Variants in NAP1L4 observed in about 807,000 individuals in gnomAD.
NAP1L4 encodes nucleosome assembly protein 1-like 4.
A neutral mutation model predicts 58.2 loss-of-function variants in NAP1L4; 15 were observed. The observed-to-expected ratio is 0.26, with a 90% CI of 0.17 to 0.40. The LOEUF (loss-of-function observed/expected upper bound fraction) is 0.40, where lower values mean the gene tolerates loss of function less well. Ranked by LOEUF, NAP1L4 falls within the 10% of genes least tolerant of loss-of-function variation. The pLI is 1.00. For synonymous variants in NAP1L4, 171 were observed against 155.6 expected, an observed-to-expected ratio of 1.10 and a Z score of -0.74; for missense variants, 384 against 451.1, an observed-to-expected ratio of 0.85 and a Z score of 1.35.
chr11:2,944,661 G>A lies in NAP1L4; in HGVS notation c.*1018C>T, dbSNP rs941906789. ...CAAACCCAGGACCTTCAGACAGGAT[G>A]AATGGTGGGGCCCCGCAATGGGGCT... On this transcript the variant is annotated 3_prime_UTR_variant, in exon 16 of 16. Coordinates refer to ENST00000380542, the MANE Select transcript of NAP1L4 (RefSeq NM_005969.4). The A allele has an allele frequency of 1.4e-4, 22 of 152,380 alleles. No homozygotes were observed. Among genetic ancestry groups the A allele is most frequent in the Admixed American group, 1.1e-3 (17 of 15,310 alleles). 9.4% of individuals were successfully genotyped at this position (152,380 alleles called of 1,614,324 possible).
chr11:2,990,010 G>T (rs1394533597), intron 1 of NAP1L4: 2 of 152,154 alleles, frequency 1.3e-5, no homozygotes, highest in Non-Finnish European at 2.9e-5. Context: ...ACTTAAAAAT[G>T]ATTAAAATTT....
At position 2,971,532 on chromosome 11, in the gene NAP1L4, T is replaced by C; in HGVS notation, c.318A>G (p.Arg106=). 3 of 1,613,066 alleles carry C rather than the reference T, an allele frequency of 1.9e-6. No individual in the cohort carries two copies. The highest frequency in any genetic ancestry group is 2.5e-6 in the Non-Finnish European group (3 of 1,179,734). The change falls in exon 6 of 16, where the codon AGA becomes AGG. Residue 106 remains arginine, a splice_region_variant and synonymous_variant. Coordinates refer to ENST00000380542, the MANE Select transcript of NAP1L4 (RefSeq NM_005969.4). This position sits in a 1 kb window ranked among gnomAD's most constrained non-coding sequence, Gnocchi z 4.2. Reference sequence around the variant, plus strand: ...CAACATCGCCGGTGATAAATTCTCTTCTCTACATAAAAATGAGACCTTATT... The same window carrying C: ...CAACATCGCCGGTGATAAATTCTCTCCTCTACATAAAAATGAGACCTTATT... ...AALYQPLFDK[R]REFITGDVEP...
chr11:2,960,242 G>A (rs189097712), intron 8 of NAP1L4: 14 of 258,674 alleles, frequency 5.4e-5, no homozygotes, highest in Middle Eastern at 2.9e-3. Context: ...AGGTGACTAG[G>A]GGAAAGTAAG....
In NAP1L4 at chr11:2,948,923, G is replaced by A. The variant is rs1428736100; in HGVS notation, c.*32+304C>T. ...CTTATGGTGGCCCGTGTGTGCCACC[G>A]TGCAGACTGCTGACCATCCAGGGCC... On this transcript the variant is annotated intron_variant, in intron 15 of 15. Transcript: ENST00000380542. This position sits in a 1 kb window ranked among gnomAD's most constrained non-coding sequence, Gnocchi z 5.1. Among the ~76,000 whole-genome samples, 7 of 152,198 alleles carry A rather than the reference G, an allele frequency of 4.6e-5. No homozygotes were observed. Among genetic ancestry groups the A allele is most frequent in the African/African-American group, 7.2e-5 (3 of 41,450 alleles).
At chr11:2,978,923 CTG>C (rs1200504067) in intron 2 of NAP1L4, among the ~76,000 whole-genome samples, 1 of 152,206 alleles carries the variant, frequency 6.6e-6, no homozygotes, top group African/African-American at 2.4e-5. Context: ...CAACTACAGA[CTG>C]TTAGGAGAGT....
At chr11:2,952,835 C>G (rs975773248) in intron 12 of NAP1L4, 2 of 152,282 alleles carry the variant, frequency 1.3e-5, no homozygotes, top group African/African-American at 4.8e-5. Flanking sequence ...ATGCATCACC[C>G]ACCTGGGCAG....
intron 15 of NAP1L4, among the ~76,000 whole-genome samples, chr11:2,947,428 G>A (rs1474881653): frequency 6.6e-6 from 1 of 152,200 alleles, no homozygotes; most frequent in Non-Finnish European, 1.5e-5. Flanking sequence ...ACCTGACTCT[G>A]GGAAGAGCTG....
At chr11:2,974,222 C>T (rs1847820503) in intron 4 of NAP1L4, among the ~76,000 whole-genome samples, 1 of 152,092 alleles carries the variant, frequency 6.6e-6, no homozygotes, top group South Asian at 2.1e-4. Context: ...TGTTGGTGTG[C>T]TGCACCCATT....
Position 2,976,046 on chromosome 11 carries a change from T to C in NAP1L4, c.151A>G (p.Thr51Ala), listed in dbSNP as rs1214066320. ...TACGTTTCGATGTAGCTGGAAGGGG[T>C]GTGAGGGACATTGTCAAGTCGCTCC... ...LQERLDNVPHTPSSYIETLPK... is the reference protein window; with the variant it reads ...LQERLDNVPHAPSSYIETLPK... Residue 51 changes from threonine (T) to alanine (A), a missense_variant, in exon 4 of 16, where the codon ACC (threonine) becomes GCC (alanine). By Grantham distance (58) the Thr-to-Ala change is moderately conservative. This residue lies in a region of NAP1L4 where 84 missense variants were observed against 73.7 expected (regional missense o/e 1.14). Coordinates refer to ENST00000380542, the MANE Select transcript of NAP1L4 (RefSeq NM_005969.4). 3 of 1,613,700 alleles carry C rather than the reference T, an allele frequency of 1.9e-6. No homozygotes were observed. The African/African-American group carries it at 4.0e-5, about 22-fold the overall frequency.
intron 7 of NAP1L4, 29 bp downstream of exon 7, chr11:2,969,774 A>G: frequency 6.3e-7 from 1 of 1,586,378 alleles, no homozygotes; most frequent in East Asian, 2.3e-5. Flanking sequence ...CTAGCACATA[A>G]TCTCTCTACA....
In NAP1L4 at chr11:2,954,897, C is replaced by CA. The variant is rs1236191566; in HGVS notation, c.916-252dup. ...GGGCCCTACAGCTCCACAACTTGTC[C>CA]AAAGGTCTCACCCAGAGTAGGCGGT... On this transcript the variant is annotated intron_variant, in intron 11 of 15. Transcript: ENST00000380542. The surrounding 1 kb of genome is among the most constrained non-coding windows in gnomAD (Gnocchi z 4.8). Among the ~76,000 whole-genome samples, 3 of 152,170 alleles carry CA rather than the reference C, an allele frequency of 2.0e-5. No homozygotes were observed. The highest frequency in any genetic ancestry group is 7.2e-5 in the African/African-American group (3 of 41,418).
intron 7 of NAP1L4, among the ~76,000 whole-genome samples, chr11:2,969,258 T>C (rs979312553): frequency 2.6e-5 from 4 of 152,122 alleles, no homozygotes; most frequent in South Asian, 2.1e-4. Context: ...ACTACAGACA[T>C]GAGCCACCAT....
intron 15 of NAP1L4, among the ~76,000 whole-genome samples, chr11:2,947,540 G>T (rs529554817): frequency 6.6e-6 from 1 of 152,134 alleles, no homozygotes; most frequent in South Asian, 2.1e-4. Context: ...TGGAGCTTCT[G>T]CAAGTGACTG....
chr11:2,969,177 G>C (rs572120637), intron 7 of NAP1L4, among the ~76,000 whole-genome samples: 5 of 151,984 alleles, frequency 3.3e-5, no homozygotes, highest in Admixed American at 2.6e-4. Context: ...TTTTTGTAGA[G>C]ATGGGATTTC....
rs1240105073 is a variant in NAP1L4, at chr11:2,955,568, TCTCAAACTCCTGGA to T, written c.915+162_915+175del. Among the ~76,000 whole-genome samples, 7 of 152,034 alleles carry T rather than the reference TCTCAAACTCCTGGA, an allele frequency of 4.6e-5. No homozygotes were observed. The highest frequency in any genetic ancestry group is 1.3e-4 in the Admixed American group (2 of 15,266). ...GGTTGTGCTATGTTGCCCAGGCTGG[TCTCAAACTCCTGGA>T]CTCGTGCAGTCCTCCCACCTCAGCC... is the stretch of plus-strand genomic sequence containing the variant. On this transcript the variant is annotated intron_variant, in intron 11 of 15. Transcript: ENST00000380542. The surrounding 1 kb of genome is among the most constrained non-coding windows in gnomAD (Gnocchi z 4.2).
chr11:2,966,319 A>G (rs1044894616), intron 7 of NAP1L4, among the ~76,000 whole-genome samples: 3 of 152,200 alleles, frequency 2.0e-5, no homozygotes, highest in African/African-American at 7.2e-5. Context: ...GCTTTCTGAA[A>G]ACACGCACTA....
intron 15 of NAP1L4, among the ~76,000 whole-genome samples, chr11:2,947,843 A>G (rs1224692401): frequency 6.6e-6 from 1 of 152,224 alleles, no homozygotes; most frequent in Non-Finnish European, 1.5e-5. Flanking sequence ...GGCAACAAAG[A>G]CATGCCGCTG....
Position 2,954,513 on chromosome 11 carries a change from C to T in NAP1L4, c.1035+14G>A, listed in dbSNP as rs1218881794. ...AGCACCCAGGTGGAAGCCCCCCTTC[C>T]CCGAGCCTCATACATTGTCATCATC... On this transcript the variant is annotated intron_variant, in intron 12 of 15. Coordinates refer to ENST00000380542, the MANE Select transcript of NAP1L4 (RefSeq NM_005969.4). This position sits in a 1 kb window ranked among gnomAD's most constrained non-coding sequence, Gnocchi z 4.8. The T allele has an allele frequency of 1.2e-6, 2 of 1,613,666 alleles. No homozygotes were observed. Among genetic ancestry groups the T allele is most frequent in the South Asian group, 1.1e-5 (1 of 91,072 alleles).
At chr11:2,977,285 G>A (rs1241597097) in intron 3 of NAP1L4, among the ~76,000 whole-genome samples, 1 of 152,236 alleles carries the variant, frequency 6.6e-6, no homozygotes. Flanking sequence ...TAACAGAGAA[G>A]TCTGGCAGGC....
Sources: gnomAD v4.1 joint callset for allele counts (sites outside exome capture counted in the v4.1 genomes callset) on GRCh38, gnomAD v4.1.1 for gene constraint, gnomAD v4.1.1 regional missense constraint, Gnocchi (gnomAD v3.1) non-coding constraint, MANE v1.5 for transcripts, NCBI Gene and HGNC (gene_info 2026-07-23, HGNC 2026-07-21) for gene names.